The following ZNF678 variants were observed in gnomAD, a reference collection of about 807,000 sequenced individuals.
ZNF678 encodes hypothetical protein MGC42493.
ZNF678 carries 5 observed loss-of-function variants against 3.0 expected under a neutral mutation model. The observed-to-expected ratio is 1.69, with a 90% confidence interval of 0.88 to 3.56. The LOEUF (loss-of-function observed/expected upper bound fraction) is 3.56. ZNF678 is among the 30% of genes most tolerant of loss of function. The pLI is 0.00. For missense variants in ZNF678, 593 were observed against 605.0 expected (o/e 0.98, Z 0.21); for synonymous variants, 218 against 199.6 (o/e 1.09, Z -0.78).
intron 1 of ZNF678, among the ~76,000 whole-genome samples, chr1:227,595,924 T>C (rs995417666): frequency 6.6e-6 from 1 of 152,156 alleles, no homozygotes; most frequent in Admixed American, 6.5e-5. Flanking sequence ...AAAACCAAAG[T>C]GCAGATAAAG....
intron 1 of ZNF678, among the ~76,000 whole-genome samples, chr1:227,583,005 TCTTA>T (rs1377154138): frequency 6.6e-6 from 1 of 152,242 alleles, no homozygotes; most frequent in South Asian, 2.1e-4. Flanking sequence ...ATTCTGGCTT[TCTTA>T]CTTAGAAACC....
chr1:227,572,755 A>G (rs1656882800), intron 1 of ZNF678, among the ~76,000 whole-genome samples: 1 of 152,220 alleles, frequency 6.6e-6, no homozygotes, highest in African/African-American at 2.4e-5. Flanking sequence ...GTGGCCACAG[A>G]GAGGCAATGA....
intron 3 of ZNF678, among the ~76,000 whole-genome samples, chr1:227,653,551 G>A (rs989789298): frequency 6.6e-6 from 1 of 151,872 alleles, no homozygotes; most frequent in African/African-American, 2.4e-5. Flanking sequence ...TGTAATCTTT[G>A]GTTCATATTT....
rs975295594 is a variant in ZNF678, at chr1:227,593,202, G to A, written c.-164+29478G>A. Among the ~76,000 whole-genome samples the A allele has an allele frequency of 2.0e-5, 3 of 152,248 alleles. No homozygotes were observed. In the East Asian group the frequency reaches 5.8e-4, roughly 29 times the overall value. ...CTACTGGAGGACCACATTAGTGGAA[G>A]GGGGACAGTTTGGGCCTCTGGCCTG... On this transcript the variant is annotated intron_variant, in intron 1 of 3. Transcript: ENST00000343776.
At chr1:227,665,375 A>G (rs1659484183), downstream of ZNF678, among the ~76,000 whole-genome samples, 1 of 152,238 alleles carries the variant, frequency 6.6e-6, no homozygotes, top group South Asian at 2.1e-4. Flanking sequence ...GGTGTGCAGC[A>G]TCCACAAAAA....
At chr1:227,674,715 G>C (rs962887968) in intron 5 of ZNF678, among the ~76,000 whole-genome samples, 1 of 149,752 alleles carries the variant, frequency 6.7e-6, no homozygotes, top group African/African-American at 2.5e-5. Flanking sequence ...CGATTCTCCT[G>C]CCTCAGCCTT....
At chr1:227,652,845 CT>C (rs1285480019) in intron 3 of ZNF678, among the ~76,000 whole-genome samples, 11 of 152,070 alleles carry the variant, frequency 7.2e-5, no homozygotes, top group Non-Finnish European at 1.5e-4. Context: ...ATGTGTACAT[CT>C]TTCCCAGACA....
chr1:227,583,308 A>G (rs1015278285), intron 1 of ZNF678, among the ~76,000 whole-genome samples: 2 of 149,748 alleles, frequency 1.3e-5, no homozygotes, highest in Non-Finnish European at 3.0e-5. Context: ...CTTTGCAACA[A>G]TTCAATAAGT....
chr1:227,574,628 A>G (rs1171434544), intron 1 of ZNF678, among the ~76,000 whole-genome samples: 5 of 151,722 alleles, frequency 3.3e-5, no homozygotes, highest in Non-Finnish European at 5.9e-5. Flanking sequence ...TCCTCTGTTG[A>G]TATTTTTCTT....
chr1:227,644,015 C>G (rs892382224), intron 1 of ZNF678, among the ~76,000 whole-genome samples: 5 of 151,948 alleles, frequency 3.3e-5, no homozygotes, highest in Non-Finnish European at 7.4e-5. Context: ...AGGCTGCCAC[C>G]ATGACGCCCA....
At chr1:227,567,752 A>G (rs141534963) in intron 1 of ZNF678, among the ~76,000 whole-genome samples, 3 of 145,232 alleles carry the variant, frequency 2.1e-5, no homozygotes, top group African/African-American at 5.1e-5. Flanking sequence ...TTTATTTTCC[A>G]TTGTAGTTTG....
At chr1:227,570,004 A>G (rs1223381246) in intron 1 of ZNF678, among the ~76,000 whole-genome samples, 4 of 152,234 alleles carry the variant, frequency 2.6e-5, no homozygotes, top group Admixed American at 6.5e-5. Flanking sequence ...TAGCTGGGTC[A>G]CAAAGTTGCT....
intron 1 of ZNF678, among the ~76,000 whole-genome samples, chr1:227,640,597 A>G (rs977006768): frequency 2.6e-5 from 4 of 152,180 alleles, no homozygotes; most frequent in Admixed American, 2.6e-4. Context: ...GTTGTCGACA[A>G]TAATTGCTTA....
At chr1:227,592,109 C>T (rs1328987034) in intron 1 of ZNF678, among the ~76,000 whole-genome samples, 1 of 152,174 alleles carries the variant, frequency 6.6e-6, no homozygotes. Context: ...AGTCCAATAC[C>T]TCTACATAGT....
chr1:227,615,559 T>C (rs1057450871), intron 1 of ZNF678, among the ~76,000 whole-genome samples: 14 of 152,166 alleles, frequency 9.2e-5, no homozygotes, highest in African/African-American at 2.9e-4. Context: ...TTGCTCACAG[T>C]CAAGCAACTC....
At chr1:227,604,072 A>G (rs758402361) in intron 1 of ZNF678, among the ~76,000 whole-genome samples, 3 of 149,964 alleles carry the variant, frequency 2.0e-5, no homozygotes, top group Non-Finnish European at 4.4e-5. Context: ...GTTTTTCCTT[A>G]TATTAACTGG....
intron 1 of ZNF678, among the ~76,000 whole-genome samples, chr1:227,590,026 G>C (rs1368588092): frequency 6.6e-6 from 1 of 151,786 alleles, no homozygotes; most frequent in African/African-American, 2.4e-5. Flanking sequence ...ATACACTTCT[G>C]CTGAAGCATT....
Position 227,621,350 on chromosome 1 carries a change from G to C in ZNF678, c.-163-25194G>C, listed in dbSNP as rs1400094677. Among the ~76,000 whole-genome samples the C allele has an allele frequency of 3.3e-5, 5 of 152,246 alleles. No individual in the cohort carries two copies. The East Asian group carries it at 9.6e-4, about 29-fold the overall frequency. On this transcript the variant is annotated intron_variant, in intron 1 of 3. Transcript: ENST00000343776. ...AACAATGTAGGCATAAGTACCCCAA[G>C]CATGAGCTGCCAGGCTCAGTGGAGG... is the stretch of plus-strand genomic sequence containing the variant.
At chr1:227,616,844 C>T (rs944397113) in intron 1 of ZNF678, among the ~76,000 whole-genome samples, 2 of 152,130 alleles carry the variant, frequency 1.3e-5, no homozygotes, top group African/African-American at 4.8e-5. Context: ...CCCATGAGGC[C>T]ATAGGTGCCA....
Sources: allele counts gnomAD v4.1 joint callset (sites outside exome capture counted in the v4.1 genomes callset), GRCh38; gene constraint gnomAD v4.1.1; transcripts MANE v1.5; gene names NCBI Gene and HGNC (gene_info 2026-07-23, HGNC 2026-07-21).